The following PHF14 variants were observed in gnomAD, a reference collection of about 807,000 sequenced individuals.
PHF14 encodes the protein PHD finger protein 14.
Under a neutral mutation model 117.9 loss-of-function variants are expected in PHF14, and 55 were observed. The ratio of observed to expected loss-of-function variants is 0.47; its 90% CI spans 0.38 to 0.58. The LOEUF is 0.58. PHF14 is among the 20% of genes least tolerant of loss of function. The pLI is 0.00. For synonymous variants in PHF14, 409 were observed against 368.6 expected (o/e 1.11, Z -1.26); for missense variants, 978 against 1,122.2 (o/e 0.87, Z 1.84).
chr7:10,996,348 T>C (rs943279722), intron 4 of PHF14, among the ~76,000 whole-genome samples: 5 of 152,248 alleles, frequency 3.3e-5, no homozygotes, highest in Admixed American at 1.3e-4. Context: ...TTGGGACTTA[T>C]CAGCCTGAAG....
intron 2 of PHF14, among the ~76,000 whole-genome samples, chr7:10,981,359 T>C (rs1782038282): frequency 1.3e-5 from 2 of 152,224 alleles, no homozygotes; most frequent in Non-Finnish European, 2.9e-5. Context: ...CTGTCCTCTT[T>C]CCCTCCTCCC....
rs992155846 is a variant in PHF14, at chr7:11,107,230, G to A, written c.2655-4120G>A. ...ATTCTCAATAGTCAGGTAAACACCT[G>A]ACTAATTGCTTGTTATATGGATCAT... On this transcript the variant is annotated intron_variant, in intron 16 of 17. Transcript: ENST00000634607. The A allele has an allele frequency of 4.1e-6, 4 of 982,640 alleles. No individual in the cohort carries two copies. In the African/African-American group the frequency reaches 7.0e-5, roughly 17 times the overall value. 60.9% of individuals were successfully genotyped at this position (982,640 alleles called of 1,614,324 possible). A position where few individuals can be genotyped will look rare whatever the true frequency, so the allele number is the denominator to read the frequency against.
chr7:11,115,355 A>T (rs1422897495), intron 17 of PHF14, among the ~76,000 whole-genome samples: 1 of 151,964 alleles, frequency 6.6e-6, no homozygotes, highest in Non-Finnish European at 1.5e-5. Context: ...ATACAAAATG[A>T]CTCATTAAAT....
At chr7:11,060,580 A>G (rs1012489636) in intron 14 of PHF14, among the ~76,000 whole-genome samples, 2 of 152,162 alleles carry the variant, frequency 1.3e-5, no homozygotes, top group African/African-American at 4.8e-5. Context: ...TCAGCCTGAG[A>G]TTCTGCATTT....
At chr7:11,053,601 A>G (rs1219696088) in intron 14 of PHF14, among the ~76,000 whole-genome samples, 1 of 152,016 alleles carries the variant, frequency 6.6e-6, no homozygotes, top group Non-Finnish European at 1.5e-5. Context: ...CTTATGAAAC[A>G]TTATTTTTCC....
At chr7:11,032,350 A>G (rs1304596911) in intron 7 of PHF14, among the ~76,000 whole-genome samples, 1 of 152,210 alleles carries the variant, frequency 6.6e-6, no homozygotes, top group Non-Finnish European at 1.5e-5. Context: ...TACTATTAAG[A>G]TACCAGTAAA....
At chr7:11,065,869 T>C (rs1785406265) in intron 16 of PHF14, among the ~76,000 whole-genome samples, 1 of 152,188 alleles carries the variant, frequency 6.6e-6, no homozygotes, top group Non-Finnish European at 1.5e-5. Context: ...TTCCTAAAGC[T>C]AAGAACCCTG....
intron 16 of PHF14, among the ~76,000 whole-genome samples, chr7:11,078,209 C>A (rs1170386676): frequency 6.6e-6 from 1 of 151,968 alleles, no homozygotes; most frequent in African/African-American, 2.4e-5. Flanking sequence ...CTTATTTTTC[C>A]CTTAATATTG....
At chr7:11,137,536 TAATA>T (rs1172715911) in intron 17 of PHF14, among the ~76,000 whole-genome samples, 1 of 152,006 alleles carries the variant, frequency 6.6e-6, no homozygotes, top group Non-Finnish European at 1.5e-5. Context: ...ACTTTATTAT[TAATA>T]TAGTTCTAAA....
At chr7:11,114,117 T>C (rs552519249) in intron 17 of PHF14, among the ~76,000 whole-genome samples, 2 of 152,268 alleles carry the variant, frequency 1.3e-5, no homozygotes, top group South Asian at 4.2e-4. Flanking sequence ...CAAATAAATT[T>C]AGATGGTAAA....
chr7:10,974,251 C>CG lies in PHF14; in HGVS notation c.-72dup. The CG allele has an allele frequency of 7.3e-7, 1 of 1,378,942 alleles. No individual in the cohort carries two copies. The highest frequency in any genetic ancestry group is 1.0e-6 in the Non-Finnish European group (1 of 990,216). The allele number at this position is 1,378,942 out of a possible 1,614,324, so 85.4% of individuals were successfully genotyped here. ...GACTTGTCTTCGCGGCCCCAGTCCC[C>CG]GACCTCGGCGCTGCCTGGGCTCCTG... On this transcript the variant is annotated 5_prime_UTR_variant, in exon 1 of 18. Coordinates refer to ENST00000634607, the MANE Select transcript of PHF14 (RefSeq NM_001007157.2).
chr7:11,101,946 C>G (rs1223038668), intron 16 of PHF14, among the ~76,000 whole-genome samples: 1 of 151,618 alleles, frequency 6.6e-6, no homozygotes. Context: ...CTAATATAGT[C>G]TTTTTAAAAG....
Position 11,038,770 on chromosome 7 carries a change from C to T in PHF14, c.1991C>T (p.Ser664Phe). The T allele has an allele frequency of 6.4e-7, 1 of 1,553,986 alleles. No homozygotes were observed. Among genetic ancestry groups the T allele is most frequent in the Admixed American group, 1.7e-5 (1 of 57,446 alleles). ...LHVEYNKLCE[S>F]LEELQNLNGK... is the part of the protein sequence containing the mutation. ...TGGCTTACTTTGTAGCTATGTGAAT[C>T]TTTAGAAGAACTACAAAACCTGAAT... The change falls in exon 11 of 18, where the codon TCT becomes TTT. Residue 664 changes from serine to phenylalanine, a missense_variant. Ser to Phe is a radical substitution (Grantham distance 155). This residue lies in a region of PHF14 where 237 missense variants were observed against 276.4 expected (regional missense o/e 0.86). Transcript: ENST00000634607.
intron 14 of PHF14, among the ~76,000 whole-genome samples, chr7:11,052,448 A>T (rs547742708): frequency 1.3e-5 from 2 of 152,150 alleles, no homozygotes; most frequent in African/African-American, 4.8e-5. Context: ...TGTTTAAAAT[A>T]TTCCTATAAA....
intron 13 of PHF14, among the ~76,000 whole-genome samples, chr7:11,044,770 C>G (rs779899161): frequency 2.0e-5 from 3 of 152,038 alleles, no homozygotes; most frequent in Non-Finnish European, 4.4e-5. Flanking sequence ...TCTATTGCAT[C>G]TGGATGGTAG....
intron 16 of PHF14, among the ~76,000 whole-genome samples, chr7:11,087,644 T>A (rs1786468844): frequency 6.6e-6 from 1 of 152,212 alleles, no homozygotes; most frequent in Non-Finnish European, 1.5e-5. Flanking sequence ...TTGCTAATTA[T>A]ATTGTGGATT....
intron 16 of PHF14, chr7:11,063,304 C>T (rs373868701): frequency 1.0e-6 from 1 of 983,484 alleles, no homozygotes; most frequent in African/African-American, 1.7e-5. Context: ...TAAGTAGTTC[C>T]AAGTTCAGGA....
chr7:11,168,223 C>T (rs1789267174), intron 17 of PHF14, among the ~76,000 whole-genome samples: 1 of 152,058 alleles, frequency 6.6e-6, no homozygotes. Flanking sequence ...TTCAAAACCC[C>T]ATTCCTGGTG....
intron 17 of PHF14, among the ~76,000 whole-genome samples, chr7:11,142,131 C>T (rs2128351343): frequency 6.6e-6 from 1 of 152,048 alleles, no homozygotes; most frequent in South Asian, 2.1e-4. Flanking sequence ...TTTTATTGAG[C>T]TTTCTCCAAA....
Sources: allele counts gnomAD v4.1 joint callset (sites outside exome capture counted in the v4.1 genomes callset), GRCh38; gene constraint gnomAD v4.1.1; regional missense constraint gnomAD v4.1.1; transcripts MANE v1.5; gene names NCBI Gene and HGNC (gene_info 2026-07-23, HGNC 2026-07-21).